DPP6: variants seen among roughly 807,000 people sequenced by gnomAD.
DPP6 encodes dipeptidyl peptidase like 6.
A neutral mutation model predicts 122.6 loss-of-function variants in DPP6; 69 were observed. The observed-to-expected ratio is 0.56, with a 90% CI of 0.46 to 0.69. The LOEUF is 0.69. Among genes scored for constraint, DPP6 ranks in the 30% least tolerant of loss-of-function variants. The pLI, the probability that DPP6 is intolerant of heterozygous loss-of-function variation, is 0.00. For missense variants in DPP6, 928 were observed against 1,116.9 expected, an observed-to-expected ratio of 0.83 and a Z score of 2.41; for synonymous variants, 418 against 433.1, an observed-to-expected ratio of 0.97 and a Z score of 0.43.
intron 1 of DPP6, among the ~76,000 whole-genome samples, chr7:153,917,618 G>T (rs73163451): frequency 0.055 from 8,310 of 152,238 alleles, 306 homozygotes; most frequent in South Asian, 0.14. Flanking sequence ...TGGTCTGAAG[G>T]CTCTGGAAAG....
intron 19 of DPP6, among the ~76,000 whole-genome samples, chr7:154,874,054 TA>T (rs961203116): frequency 4.9e-4 from 57 of 115,552 alleles, no homozygotes; most frequent in Non-Finnish European, 7.9e-4. Flanking sequence ...ATGCAGCACA[TA>T]TGCACATGTA....
chr7:154,666,243 A>G (rs1838158974), intron 6 of DPP6, among the ~76,000 whole-genome samples: 2 of 145,028 alleles, frequency 1.4e-5, no homozygotes, highest in African/African-American at 5.0e-5. Context: ...ACTATAACAC[A>G]TACTCTTGGG....
chr7:153,862,577 A>T, the DPP6 span, among the ~76,000 whole-genome samples: 1 of 152,216 alleles, frequency 6.6e-6, no homozygotes, highest in Non-Finnish European at 1.5e-5. Flanking sequence ...TGTTTCAGGC[A>T]TCATACCTAA....
intron 1 of DPP6, among the ~76,000 whole-genome samples, chr7:154,071,028 C>T (rs1803085182): frequency 6.6e-6 from 1 of 152,086 alleles, no homozygotes; most frequent in African/African-American, 2.4e-5. Context: ...TATGTGCATG[C>T]ATGCTATTTT....
chr7:153,903,238 C>T (rs1799712697), intron 1 of DPP6, among the ~76,000 whole-genome samples: 1 of 152,156 alleles, frequency 6.6e-6, no homozygotes, highest in Admixed American at 6.5e-5. Context: ...TTGGGTTCTG[C>T]AGGATGTGGG....
rs544644442 is a variant in DPP6 at position 154,733,137 on chromosome 7, C to T, written c.883+5250C>T. On this transcript the variant is annotated intron_variant, in intron 8 of 25. Transcript: ENST00000377770. ...CCCAAGAGAGACTGTCTTCACTGTC[C>T]CACACTAACTGCCACCTTCACTGGG... Among the ~76,000 whole-genome samples the T allele has an allele frequency of 3.3e-5, 5 of 152,330 alleles. No homozygotes were observed. The South Asian group carries it at 1.0e-3, about 32-fold the overall frequency.
intron 6 of DPP6, among the ~76,000 whole-genome samples, chr7:154,638,794 T>G (rs1043692426): frequency 6.6e-6 from 1 of 152,210 alleles, no homozygotes; most frequent in African/African-American, 2.4e-5. Context: ...TTTATCTTCA[T>G]TATTTCTTCG....
At chr7:154,524,640 TAGC>T (rs1827258239) in intron 3 of DPP6, among the ~76,000 whole-genome samples, 1 of 152,170 alleles carries the variant, frequency 6.6e-6, no homozygotes, top group Non-Finnish European at 1.5e-5. Context: ...CTCATGGCAA[TAGC>T]AGAACCCAAG....
At chr7:154,063,156 A>G (rs1802277400) in intron 1 of DPP6, among the ~76,000 whole-genome samples, 1 of 117,318 alleles carries the variant, frequency 8.5e-6, no homozygotes, top group African/African-American at 3.2e-5. Flanking sequence ...ACTGAGAGCT[A>G]TCCCCTTTTC....
chr7:154,120,331 C>G (rs1378250185), intron 1 of DPP6, among the ~76,000 whole-genome samples: 1 of 151,662 alleles, frequency 6.6e-6, no homozygotes, highest in Non-Finnish European at 1.5e-5. Context: ...TGCAAGCTCC[C>G]CCTCATGGGT....
chr7:154,651,008 C>T (rs1004328384), intron 6 of DPP6, among the ~76,000 whole-genome samples: 2 of 152,120 alleles, frequency 1.3e-5, no homozygotes, highest in African/African-American at 4.8e-5. Flanking sequence ...CACCATTGCC[C>T]GAAGGTACAT....
At chr7:154,890,777 G>GA (rs1806538622) in intron 25 of DPP6, 2 of 152,234 alleles carry the variant, frequency 1.3e-5, no homozygotes, top group Non-Finnish European at 2.9e-5. Flanking sequence ...GGCAGGAGGA[G>GA]AAAGCTTCCT....
At chr7:154,551,254 T>C (rs936724547) in intron 4 of DPP6, among the ~76,000 whole-genome samples, 1 of 152,244 alleles carries the variant, frequency 6.6e-6, no homozygotes, top group African/African-American at 2.4e-5. Flanking sequence ...ATCTATCTTT[T>C]GTTTGCTGAT....
At chr7:154,341,769 G>A (rs1384271064) in intron 1 of DPP6, among the ~76,000 whole-genome samples, 1 of 151,882 alleles carries the variant, frequency 6.6e-6, no homozygotes, top group Non-Finnish European at 1.5e-5. Flanking sequence ...TTATGTTCCA[G>A]GTGTTGTAGA....
At chr7:154,754,988 A>G (rs927055839) in intron 8 of DPP6, among the ~76,000 whole-genome samples, 1 of 152,018 alleles carries the variant, frequency 6.6e-6, no homozygotes, top group Non-Finnish European at 1.5e-5. Context: ...GGGTGGGCGG[A>G]AAGAAGAGGG....
At chr7:154,324,742 C>T (rs1487189472) in intron 1 of DPP6, among the ~76,000 whole-genome samples, 1 of 152,230 alleles carries the variant, frequency 6.6e-6, no homozygotes, top group African/African-American at 2.4e-5. Flanking sequence ...ACCTGACCTG[C>T]AGCCTCAGGC....
At chr7:153,945,368 C>G (rs1367624164) in intron 1 of DPP6, among the ~76,000 whole-genome samples, 1 of 152,056 alleles carries the variant, frequency 6.6e-6, no homozygotes, top group African/African-American at 2.4e-5. Context: ...AAGCCAGAAG[C>G]TGGGAGTCCA....
intron 1 of DPP6, among the ~76,000 whole-genome samples, chr7:153,904,065 T>A (rs939903662): frequency 6.6e-6 from 1 of 152,188 alleles, no homozygotes; most frequent in Non-Finnish European, 1.5e-5. Context: ...GTTGTTGTCA[T>A]TTTTGAGATG....
chr7:154,395,201 G>A (rs949065587), intron 1 of DPP6, among the ~76,000 whole-genome samples: 2 of 152,142 alleles, frequency 1.3e-5, no homozygotes, highest in African/African-American at 4.8e-5. Context: ...CTTTTGTAAG[G>A]TCTCTAATCT....
Sources: gnomAD v4.1 joint callset for allele counts (sites outside exome capture counted in the v4.1 genomes callset) on GRCh38, gnomAD v4.1.1 for gene constraint, MANE v1.5 for transcripts, NCBI Gene and HGNC (gene_info 2026-07-23, HGNC 2026-07-21) for gene names.